Variants in ESF1 observed in about 807,000 individuals in gnomAD.
The protein encoded by ESF1 is ESF1 homolog.
Under a neutral mutation model 92.0 loss-of-function variants are expected in ESF1, and 58 were observed. The observed-to-expected ratio is 0.63, with a 90% confidence interval of 0.51 to 0.78. The LOEUF (loss-of-function observed/expected upper bound fraction) is 0.78. ESF1 is among the 30% of genes least tolerant of loss of function. The pLI is 0.00. For synonymous variants in ESF1, 321 were observed against 313.7 expected (o/e 1.02, Z -0.24); for missense variants, 922 against 989.1 (o/e 0.93, Z 0.91).
chr20:13,782,912 A>C lies in ESF1; in HGVS notation c.229T>G (p.Ser77Ala), dbSNP rs755878000. The change falls in exon 2 of 14, where the codon TCT becomes GCT. Residue 77 changes from serine to alanine, a missense_variant. Coordinates refer to ENST00000617257, the MANE Select transcript of ESF1 (RefSeq NM_001276380.2). The stretch of plus-strand genomic sequence containing the variant: ...TCTTCACCAGAGAGATTGGAATCAG[A>C]ATCTGAAAGGTCGTAAAAACGCTTC... ...DLKRFYDLSD[S>A]DSNLSGEDSK... is the part of the protein sequence containing the mutation. The C allele has an allele frequency of 5.6e-6, 9 of 1,613,988 alleles. No homozygotes were observed. Among genetic ancestry groups the C allele is most frequent in the African/African-American group, 5.3e-5 (4 of 74,898 alleles).
intron 9 of ESF1, among the ~76,000 whole-genome samples, chr20:13,744,910 C>T (rs1272139949): frequency 6.6e-6 from 1 of 152,204 alleles, no homozygotes; most frequent in African/African-American, 2.4e-5. Flanking sequence ...ACTAACTTCT[C>T]TCCCTCCCCA....
chr20:13,763,709 T>C (rs1022954254), intron 8 of ESF1, among the ~76,000 whole-genome samples: 7 of 152,262 alleles, frequency 4.6e-5, no homozygotes, highest in African/African-American at 1.7e-4. Context: ...AAAAATAAAA[T>C]GGTCATCTAG....
At chr20:13,760,968 A>G (rs1471705798) in intron 8 of ESF1, among the ~76,000 whole-genome samples, 5 of 152,210 alleles carry the variant, frequency 3.3e-5, no homozygotes, top group African/African-American at 1.2e-4. Flanking sequence ...AGACTGAGAA[A>G]TCGGATGGTT....
At chr20:13,724,945 T>G (rs191676580) in intron 11 of ESF1, among the ~76,000 whole-genome samples, 1,908 of 152,282 alleles carry the variant, frequency 0.013, 11 homozygotes, top group Non-Finnish European at 0.018. Flanking sequence ...TTTCTCTGCC[T>G]AGGCCTCCCA....
intron 10 of ESF1, among the ~76,000 whole-genome samples, chr20:13,732,381 A>G (rs576840760): frequency 6.6e-6 from 1 of 152,310 alleles, no homozygotes; most frequent in Non-Finnish European, 1.5e-5. Flanking sequence ...TCTCCATTTT[A>G]CTATCCATTT....
At chr20:13,779,833 C>A (rs1229493240) in intron 2 of ESF1, among the ~76,000 whole-genome samples, 1 of 152,200 alleles carries the variant, frequency 6.6e-6, no homozygotes, top group Non-Finnish European at 1.5e-5. Context: ...CTGTGCCCAG[C>A]CAGTTACCGT....
chr20:13,768,498 C>G (rs1979528732), intron 7 of ESF1, among the ~76,000 whole-genome samples: 1 of 152,032 alleles, frequency 6.6e-6, no homozygotes, highest in South Asian at 2.1e-4. Context: ...AGGAGAATCA[C>G]TTGAACCTGG....
At position 13,717,520 on chromosome 20, in the gene ESF1, G is replaced by A. The variant is rs766938186; in HGVS notation, c.2116-6C>T. On this transcript the variant is annotated splice_region_variant and splice_polypyrimidine_tract_variant and intron_variant, in intron 12 of 13. Coordinates refer to ENST00000617257, the MANE Select transcript of ESF1 (RefSeq NM_001276380.2). ...ATAAGCAAAGCCATTTCAGCCTGTAGAGAGCAAAAAAAAGTTCAAATGTAC... is the reference window on the plus strand; with the variant it reads ...ATAAGCAAAGCCATTTCAGCCTGTAAAGAGCAAAAAAAAGTTCAAATGTAC... 3.7e-6 allele frequency: 6 copies of A among 1,611,594 alleles called. No individual in the cohort carries two copies. In the Admixed American group the frequency reaches 5.0e-5, roughly 14 times the overall value.
intron 9 of ESF1, among the ~76,000 whole-genome samples, chr20:13,754,440 A>G (rs541336997): frequency 6.6e-6 from 1 of 152,126 alleles, no homozygotes; most frequent in South Asian, 2.1e-4. Flanking sequence ...TGTTGTTCTT[A>G]TTCACTTTCA....
At chr20:13,777,278 C>A (rs1015567153) in intron 2 of ESF1, among the ~76,000 whole-genome samples, 1 of 152,058 alleles carries the variant, frequency 6.6e-6, no homozygotes, top group Non-Finnish European at 1.5e-5. Flanking sequence ...AGATTTGACA[C>A]GGGGACTGGG....
intron 8 of ESF1, among the ~76,000 whole-genome samples, chr20:13,762,159 A>G (rs979884048): frequency 8.6e-5 from 13 of 152,044 alleles, no homozygotes; most frequent in Admixed American, 3.9e-4. Flanking sequence ...TTATATCTTA[A>G]AAAAGTGATA....
chr20:13,781,193 T>C (rs1302992940), intron 2 of ESF1, among the ~76,000 whole-genome samples: 1 of 152,228 alleles, frequency 6.6e-6, no homozygotes, highest in East Asian at 1.9e-4. Flanking sequence ...AGATCTATAT[T>C]GTCCAATATG....
At chr20:13,774,510 T>A (rs2147776371) in intron 4 of ESF1, among the ~76,000 whole-genome samples, 1 of 152,350 alleles carries the variant, frequency 6.6e-6, no homozygotes, top group South Asian at 2.1e-4. Context: ...AATACTTAGT[T>A]CAAGCTCCTT....
chr20:13,745,021 C>T (rs150909088), intron 9 of ESF1, among the ~76,000 whole-genome samples: 1 of 152,322 alleles, frequency 6.6e-6, no homozygotes, highest in Non-Finnish European at 1.5e-5. Context: ...ACAGTAGGAA[C>T]TCTCAATATC....
intron 10 of ESF1, among the ~76,000 whole-genome samples, chr20:13,729,744 G>C (rs111835497): frequency 0.012 from 1,859 of 150,750 alleles, 22 homozygotes; most frequent in Non-Finnish European, 0.017. Context: ...CAATTATCTT[G>C]TTTTATCTAT....
intron 8 of ESF1, among the ~76,000 whole-genome samples, chr20:13,761,593 AGAATACTG>A (rs1979205311): frequency 6.6e-6 from 1 of 152,134 alleles, no homozygotes; most frequent in East Asian, 1.9e-4. Context: ...TCCAAACCTA[AGAATACTG>A]GAACCTTTCC....
chr20:13,727,890 T>A (rs1362799620), intron 11 of ESF1, among the ~76,000 whole-genome samples: 1 of 152,188 alleles, frequency 6.6e-6, no homozygotes, highest in Non-Finnish European at 1.5e-5. Context: ...GAAAAAGCTT[T>A]TATATGAAAT....
In ESF1 at chr20:13,776,162, A is replaced by G. The variant is rs1217712485; in HGVS notation, c.746T>C (p.Ile249Thr). ...ATTTTCAGATTCCTCATCACTTCCTATTTCACTAACGCTTTCTGAATCTTC... is the reference window on the plus strand; with the variant it reads ...ATTTTCAGATTCCTCATCACTTCCTGTTTCACTAACGCTTTCTGAATCTTC... Reference protein sequence around the residue: ...LEEDSESVSEIGSDEESENEI... With the variant: ...LEEDSESVSETGSDEESENEI... Residue 249 changes from isoleucine (I) to threonine (T), a missense_variant, in exon 3 of 14, where the codon ATA (isoleucine) becomes ACA (threonine). By Grantham distance (89) the Ile-to-Thr change is moderately conservative. Transcript: ENST00000617257. The G allele has an allele frequency of 1.9e-6, 3 of 1,613,634 alleles. No homozygotes were observed. The highest frequency in any genetic ancestry group is 1.3e-5 in the African/African-American group (1 of 74,924).
At chr20:13,736,346 T>A (rs1056312432) in intron 9 of ESF1, among the ~76,000 whole-genome samples, 1 of 152,126 alleles carries the variant, frequency 6.6e-6, no homozygotes, top group Non-Finnish European at 1.5e-5. Context: ...GAATCACTGT[T>A]CTAGACAATC....
Sources: gnomAD v4.1 joint callset for allele counts (sites outside exome capture counted in the v4.1 genomes callset) on GRCh38, gnomAD v4.1.1 for gene constraint, MANE v1.5 for transcripts, NCBI Gene and HGNC (gene_info 2026-07-23, HGNC 2026-07-21) for gene names.